Variants in EDEM1 observed in about 807,000 individuals in gnomAD.
EDEM1 encodes the protein ER degradation-enhancing alpha-mannosidase-like protein 1.
A neutral mutation model predicts 74.4 loss-of-function variants in EDEM1; 67 were observed. The ratio of observed to expected loss-of-function variants is 0.90; its 90% CI spans 0.74 to 1.10. EDEM1 has a LOEUF of 1.10. Among genes scored for constraint, EDEM1 ranks in the 50% least tolerant of loss-of-function variants. EDEM1 has a pLI of 0.00. For missense variants in EDEM1, 926 were observed against 851.6 expected (o/e 1.09, Z -1.09); for synonymous variants, 382 against 335.9 (o/e 1.14, Z -1.50).
chr3:5,199,813 T>C (rs1354112079), intron 3 of EDEM1, 118 bp downstream of exon 3: 2 of 690,708 alleles, frequency 2.9e-6, no homozygotes, highest in Admixed American at 6.0e-5. Context: ...ATATGGGCTT[T>C]ATGGGTGCAG....
intron 6 of EDEM1, among the ~76,000 whole-genome samples, chr3:5,206,028 C>T (rs75045265): frequency 0.016 from 2,484 of 152,072 alleles, 70 homozygotes; most frequent in African/African-American, 0.057. Context: ...TTACAAAGAA[C>T]TGTTAGGATT....
At chr3:5,194,075 G>A (rs1390012954) in intron 1 of EDEM1, among the ~76,000 whole-genome samples, 4 of 152,182 alleles carry the variant, frequency 2.6e-5, no homozygotes, top group South Asian at 2.1e-4. Flanking sequence ...ATCACAACAC[G>A]AGAGGTGCTG....
In EDEM1 at chr3:5,208,101, A is replaced by T; in HGVS notation, c.1347A>T (p.Ile449=). 5 of 1,603,196 alleles carry T rather than the reference A, an allele frequency of 3.1e-6. No homozygotes were observed. Among genetic ancestry groups the T allele is most frequent in the Non-Finnish European group, 4.2e-6 (5 of 1,176,724 alleles). ...CTGTGTCCTCTCCTTAGGTGCTGATAGGAGATGTGGAAGATGCCATCTGCC... is the reference window on the plus strand; with the variant it reads ...CTGTGTCCTCTCCTTAGGTGCTGATTGGAGATGTGGAAGATGCCATCTGCC... The part of the protein sequence containing the change: ...QAFFPGLQVL[I]GDVEDAICLH... The change falls in exon 8 of 12, where the codon ATA becomes ATT. Residue 449 remains isoleucine (I), a synonymous_variant. Transcript: ENST00000256497.
chr3:5,211,161 CAG>C lies in EDEM1; in HGVS notation c.1627_1628del (p.Glu543ArgfsTer10). The C allele has an allele frequency of 6.2e-7, 1 of 1,614,202 alleles. No individual in the cohort carries two copies. The highest frequency in any genetic ancestry group is 8.5e-7 in the Non-Finnish European group (1 of 1,180,038). On this transcript the variant is annotated frameshift_variant, in exon 10 of 12. Transcript: ENST00000256497. LOFTEE classifies it high-confidence loss of function. Reference sequence around the variant, plus strand: ...CTGCATCACGTCATTGACAAGTCCACAGAAGACCGGATGGAGAGCTTCTTTCT... The same window carrying C: ...CTGCATCACGTCATTGACAAGTCCACAAGACCGGATGGAGAGCTTCTTTCT...
In EDEM1 at chr3:5,207,170, A is replaced by G. The variant is rs748392698; in HGVS notation, c.1235A>G (p.Glu412Gly). The change falls in exon 7 of 12, where the codon GAA becomes GGA. Residue 412 changes from glutamate to glycine, a missense_variant. Glu to Gly is a moderately conservative substitution (Grantham distance 98). Coordinates refer to ENST00000256497, the MANE Select transcript of EDEM1 (RefSeq NM_014674.3). The part of the protein sequence containing the change: ...YLRRGREACN[E>G]GEGDPPLYVN... ...GTTTGCAGGCGGGAAGCCTGCAATG[A>G]AGGAGAAGGAGACCCTCCACTCTAT... 1.8e-5 allele frequency: 29 copies of G among 1,614,100 alleles called. No individual in the cohort carries two copies. Among genetic ancestry groups the G allele is most frequent in the Non-Finnish European group, 2.4e-5 (28 of 1,180,002 alleles).
At position 5,216,132 on chromosome 3, in the gene EDEM1, A is replaced by G. The variant is rs1219018816; in HGVS notation, c.*214A>G. The G allele has an allele frequency of 3.8e-6, 2 of 532,406 alleles. No homozygotes were observed. Among genetic ancestry groups the G allele is most frequent in the African/African-American group, 2.0e-5 (1 of 50,610 alleles). The allele number at this position is 532,406 out of a possible 1,614,324, so 33.0% of individuals were successfully genotyped here. A position where few individuals can be genotyped will look rare whatever the true frequency, so the allele number is the denominator to read the frequency against. On this transcript the variant is annotated 3_prime_UTR_variant, in exon 12 of 12. Coordinates refer to ENST00000256497, the MANE Select transcript of EDEM1 (RefSeq NM_014674.3). Reference sequence around the variant, plus strand: ...ATGCCCTGTTAAGGATATAATTTGAAGTGAGAAGATACATGGAAATTGCCC... The same window carrying G: ...ATGCCCTGTTAAGGATATAATTTGAGGTGAGAAGATACATGGAAATTGCCC...
chr3:5,210,383 T>C (rs1559299832), intron 9 of EDEM1, 135 bp downstream of exon 9: 1 of 826,938 alleles, frequency 1.2e-6, no homozygotes, highest in Non-Finnish European at 1.9e-6. Context: ...GGAAATTGCT[T>C]ACCTTTTGGT....
At chr3:5,191,592 A>G (rs2106585985) in intron 1 of EDEM1, among the ~76,000 whole-genome samples, 1 of 152,262 alleles carries the variant, frequency 6.6e-6, no homozygotes, top group East Asian at 1.9e-4. Context: ...AACAAGAGTG[A>G]ATTTGCCATT....
At chr3:5,207,408 ATC>A (rs2055111954) in intron 7 of EDEM1, 135 bp downstream of exon 7, 5 of 1,257,498 alleles carry the variant, frequency 4.0e-6, no homozygotes, top group Middle Eastern at 3.9e-4. Context: ...ATACGTCTTC[ATC>A]TCTCTGTTTG....
chr3:5,188,142 G>C lies in EDEM1; in HGVS notation c.337G>C (p.Glu113Gln). ...GGGCGGCCGGGGCCGCGGCCCGGAC[G>C]AGTACGAGAAGCGCTACAGCGGCGC... ...VLGGRGRGPD[E>Q]YEKRYSGAFP... is the part of the protein sequence containing the mutation. Residue 113 changes from glutamate to glutamine, a missense_variant, in exon 1 of 12, where the codon GAG becomes CAG. Physicochemically the swap from Glu to Gln is conservative, Grantham distance 29. Transcript: ENST00000256497. The C allele has an allele frequency of 6.5e-7, 1 of 1,534,554 alleles. No homozygotes were observed. The highest frequency in any genetic ancestry group is 8.8e-7 in the Non-Finnish European group (1 of 1,140,730).
chr3:5,188,279 C>A lies in EDEM1; in HGVS notation c.474C>A (p.Ile158=). 5 of 1,548,856 alleles carry A rather than the reference C, an allele frequency of 3.2e-6. No homozygotes were observed. Among genetic ancestry groups the A allele is most frequent in the Non-Finnish European group, 2.6e-6 (3 of 1,147,572 alleles). Residue 158 remains isoleucine, a synonymous_variant, in exon 1 of 12, where the codon ATC becomes ATA. Transcript: ENST00000256497. The part of the protein sequence containing the change: ...HAFPQDELNP[I]HCRGRGPDRG... The stretch of plus-strand genomic sequence containing the variant: ...TCCCCCAGGACGAGCTCAACCCCAT[C>A]CACTGCCGCGGCCGTGGGCCCGACC...
rs377014505 is a variant in EDEM1, at chr3:5,208,003, G to C, written c.1339-90G>C. The C allele has an allele frequency of 2.3e-5, 33 of 1,441,994 alleles. No individual in the cohort carries two copies. The African/African-American group carries it at 2.5e-4, about 11-fold the overall frequency. 89.3% of individuals were successfully genotyped at this position (1,441,994 alleles called of 1,614,324 possible). A position where few individuals can be genotyped will look rare whatever the true frequency, so the allele number is the denominator to read the frequency against. On this transcript the variant is annotated intron_variant, in intron 7 of 11. Coordinates refer to ENST00000256497, the MANE Select transcript of EDEM1 (RefSeq NM_014674.3). ...TGTGTAGGTCAACTAAGAACTCGGG[G>C]GCAGAGGAGAGCCCAGGCAGGCCCT...
chr3:5,193,191 A>G (rs1361864281), intron 1 of EDEM1, among the ~76,000 whole-genome samples: 3 of 152,076 alleles, frequency 2.0e-5, no homozygotes, highest in African/African-American at 4.8e-5. Flanking sequence ...ATGCTACATG[A>G]TGAGGGAGCT....
chr3:5,212,096 G>A (rs1367210663), intron 10 of EDEM1, among the ~76,000 whole-genome samples: 1 of 152,128 alleles, frequency 6.6e-6, no homozygotes, highest in Non-Finnish European at 1.5e-5. Flanking sequence ...ATCACCCTGG[G>A]GCCCTTGCTA....
At chr3:5,208,646 TAAC>T (rs1262583091) in intron 8 of EDEM1, among the ~76,000 whole-genome samples, 2 of 152,122 alleles carry the variant, frequency 1.3e-5, no homozygotes, top group Non-Finnish European at 2.9e-5. Context: ...CCGGTCTGTG[TAAC>T]AACTATTCAG....
Position 5,216,162 on chromosome 3 carries a change from ATG to A in EDEM1, c.*245_*246del. ...GAAGATACATGGAAATTGCCCTCTTATGACATGTTGATGTTATAAGCACAATA... is the reference window on the plus strand; with the variant it reads ...GAAGATACATGGAAATTGCCCTCTTAACATGTTGATGTTATAAGCACAATA... On this transcript the variant is annotated 3_prime_UTR_variant, in exon 12 of 12. Transcript: ENST00000256497. 1 of 508,662 alleles carries A rather than the reference ATG, an allele frequency of 2.0e-6. No homozygotes were observed. Among genetic ancestry groups the A allele is most frequent in the East Asian group, 3.5e-5 (1 of 28,214 alleles). 31.5% of individuals were successfully genotyped at this position (508,662 alleles called of 1,614,324 possible).
intron 6 of EDEM1, among the ~76,000 whole-genome samples, 200 bp downstream of exon 6, chr3:5,205,441 C>G (rs1480634740): frequency 2.0e-5 from 3 of 152,204 alleles, no homozygotes; most frequent in Admixed American, 6.5e-5. Flanking sequence ...ACCCCAGAAC[C>G]TAGTGGCTTA....
At chr3:5,191,780 C>T (rs2054905203) in intron 1 of EDEM1, among the ~76,000 whole-genome samples, 1 of 152,184 alleles carries the variant, frequency 6.6e-6, no homozygotes, top group South Asian at 2.1e-4. Context: ...CTAAAAAGAG[C>T]AGATCTGTCT....
intron 5 of EDEM1, 44 bp from the exon 6 acceptor site, chr3:5,205,023 C>T (rs915814503): frequency 1.0e-5 from 16 of 1,600,808 alleles, no homozygotes; most frequent in East Asian, 6.7e-5. Flanking sequence ...ATGTCCTCCC[C>T]GATGAGACAG....
Sources: allele counts gnomAD v4.1 joint callset (sites outside exome capture counted in the v4.1 genomes callset), GRCh38; gene constraint gnomAD v4.1.1; transcripts MANE v1.5; gene names NCBI Gene and HGNC (gene_info 2026-07-23, HGNC 2026-07-21).